EIF5B: variants seen among roughly 807,000 people sequenced by gnomAD.
The protein encoded by EIF5B is eukaryotic translation initiation factor 5B.
In EIF5B, 47 loss-of-function variants were observed where a neutral mutation model predicts 147.5. The observed-to-expected ratio is 0.32, with a 90% confidence interval of 0.25 to 0.41. The LOEUF (loss-of-function observed/expected upper bound fraction) is 0.41. Ranked by LOEUF, EIF5B falls within the 10% of genes least tolerant of loss-of-function variation. The pLI is 1.00. For missense variants in EIF5B, 1,064 were observed against 1,413.2 expected, an observed-to-expected ratio of 0.75 and a Z score of 3.96; for synonymous variants, 455 against 456.2, an observed-to-expected ratio of 1.00 and a Z score of 0.03.
rs142710275 is a variant in EIF5B at position 99,355,138 on chromosome 2, T to A, written c.36-5098T>A. Among the ~76,000 whole-genome samples the A allele has an allele frequency of 4.3e-3, 647 of 152,216 alleles. 8 individuals are homozygous for A. The highest frequency in any genetic ancestry group is 0.015 in the African/African-American group (618 of 41,548). On this transcript the variant is annotated intron_variant, in intron 1 of 23. Transcript: ENST00000289371. Reference sequence around the variant, plus strand: ...ATACTTCTGTGGGACTGTTTTTGGGTTCTCTCTCTTCTCGTCTTGATCTGT... The same window carrying A: ...ATACTTCTGTGGGACTGTTTTTGGGATCTCTCTCTTCTCGTCTTGATCTGT...
intron 1 of EIF5B, among the ~76,000 whole-genome samples, chr2:99,357,289 AAAC>A (rs1674115005): frequency 6.6e-6 from 1 of 152,216 alleles, no homozygotes; most frequent in African/African-American, 2.4e-5. Context: ...AGCAAGTAAA[AAAC>A]TAGATCATTT....
chr2:99,376,483 T>G lies in EIF5B; in HGVS notation c.1689T>G (p.Asp563Glu). ...GAGAAAGTGAAGGCAGTGAAGGTGA[T>G]GAGGAAGATGAAAAGGTGTCAGATG... ...EEGESEGSEG[D>E]EEDEKVSDEK... The change falls in exon 10 of 24, where the codon GAT becomes GAG. Residue 563 changes from aspartate (D) to glutamate (E), a missense_variant. Around this residue, in one of 4 missense-constraint regions of EIF5B, gnomAD observed 195 missense variants for 186.3 expected, o/e 1.05. Transcript: ENST00000289371. 1 of 1,611,840 alleles carries G rather than the reference T, an allele frequency of 6.2e-7. No individual in the cohort carries two copies. Among genetic ancestry groups the G allele is most frequent in the Non-Finnish European group, 8.5e-7 (1 of 1,178,316 alleles).
chr2:99,385,989 A>T (rs762555719), intron 14 of EIF5B, among the ~76,000 whole-genome samples: 14 of 152,178 alleles, frequency 9.2e-5, no homozygotes, highest in Non-Finnish European at 1.3e-4. Flanking sequence ...GTAATTTTTT[A>T]AGTTTGGCAT....
At chr2:99,384,196 C>CAAAAAAAAAAAAA (rs770493783) in intron 14 of EIF5B, among the ~76,000 whole-genome samples, 3 of 117,466 alleles carry the variant, frequency 2.6e-5, no homozygotes, top group African/African-American at 1.1e-4. Context: ...GACTCCGTCT[C>CAAAAAAAAAAAAA]AAAAAAAAAA....
chr2:99,364,797 AAAAAAT>A (rs1674294273), intron 6 of EIF5B, among the ~76,000 whole-genome samples: 1 of 152,194 alleles, frequency 6.6e-6, no homozygotes, highest in South Asian at 2.1e-4. Flanking sequence ...AGTGAATCCC[AAAAAAT>A]AAAAAAGAAA....
At chr2:99,391,939 T>C (rs905978205) in intron 17 of EIF5B, among the ~76,000 whole-genome samples, 1 of 151,678 alleles carries the variant, frequency 6.6e-6, no homozygotes, top group Admixed American at 6.6e-5. Context: ...CCCAGGCTGG[T>C]CTTGACCTCC....
intron 18 of EIF5B, among the ~76,000 whole-genome samples, 176 bp downstream of exon 18, chr2:99,393,274 AATTGGT>A (rs1674972527): frequency 6.6e-6 from 1 of 152,152 alleles, no homozygotes; most frequent in Non-Finnish European, 1.5e-5. Context: ...CAATCATAGA[AATTGGT>A]ATAATTTTTA....
rs1253890925 is a variant in EIF5B at position 99,382,209 on chromosome 2, T to A, written c.2112T>A (p.Pro704=). Residue 704 remains proline (P), a synonymous_variant, in exon 13 of 24, where the codon CCT becomes CCA. Coordinates refer to ENST00000289371, the MANE Select transcript of EIF5B (RefSeq NM_015904.4). ...CAGGAATGCTAATTATTGATACTCCTGGGCATGAATCTTTCAGGTAAGAGC... is the reference window on the plus strand; with the variant it reads ...CAGGAATGCTAATTATTGATACTCCAGGGCATGAATCTTTCAGGTAAGAGC... ...RIPGMLIIDT[P]GHESFSNLRN... is the part of the protein sequence containing the mutation. 1.2e-6 allele frequency: 2 copies of A among 1,613,226 alleles called. No individual in the cohort carries two copies. The highest frequency in any genetic ancestry group is 1.1e-5 in the South Asian group (1 of 90,998).
At chr2:99,399,228 A>T in intron 23 of EIF5B, 79 bp from the exon 24 acceptor site, 1 of 1,326,468 alleles carries the variant, frequency 7.5e-7, no homozygotes, top group Non-Finnish European at 1.1e-6. Flanking sequence ...GTACAGTGAG[A>T]GCGGGCATCT....
rs1574950655 is a variant in EIF5B at position 99,401,186 on chromosome 2, C to T, written c.*1772C>T. The T allele has an allele frequency of 3.7e-6, 4 of 1,082,978 alleles. No individual in the cohort carries two copies. The highest frequency in any genetic ancestry group is 4.7e-5 in the East Asian group (2 of 42,138). The allele number at this position is 1,082,978 out of a possible 1,614,324, so 67.1% of individuals were successfully genotyped here. On this transcript the variant is annotated 3_prime_UTR_variant, in exon 24 of 24. Coordinates refer to ENST00000289371, the MANE Select transcript of EIF5B (RefSeq NM_015904.4). ...ATTACTATCATGCACTTTGCAAATA[C>T]CTCACAAGCACTTATGGCACAGCTA...
chr2:99,341,730 T>C (rs932429881), intron 1 of EIF5B, among the ~76,000 whole-genome samples: 1 of 152,214 alleles, frequency 6.6e-6, no homozygotes, highest in Non-Finnish European at 1.5e-5. Flanking sequence ...TCTTCAAATA[T>C]TTAATTTAAA....
intron 9 of EIF5B, among the ~76,000 whole-genome samples, chr2:99,373,203 A>G (rs963356346): frequency 6.6e-6 from 1 of 152,168 alleles, no homozygotes; most frequent in Non-Finnish European, 1.5e-5. Flanking sequence ...CTCTTTTTGT[A>G]TCCGTAAATA....
chr2:99,398,715 C>G (rs536632895), intron 22 of EIF5B, 33 bp from the exon 23 acceptor site: 2 of 1,585,868 alleles, frequency 1.3e-6, no homozygotes, highest in South Asian at 2.3e-5. Context: ...ATGAATTCTT[C>G]TGCATGCATT....
chr2:99,390,511 G>A lies in EIF5B; in HGVS notation c.2587-33G>A, dbSNP rs768093610. 5.0e-6 allele frequency: 8 copies of A among 1,599,490 alleles called. No homozygotes were observed. In the East Asian group the frequency reaches 9.0e-5, roughly 18 times the overall value. On this transcript the variant is annotated intron_variant, in intron 16 of 23. Transcript: ENST00000289371. Reference sequence around the variant, plus strand: ...ATTTAATGAACATGGTGCATTGTATGTATGTCTTTCTCTTTGCATTAATGC... The same window carrying A: ...ATTTAATGAACATGGTGCATTGTATATATGTCTTTCTCTTTGCATTAATGC...
intron 12 of EIF5B, 69 bp downstream of exon 12, chr2:99,379,497 G>A: frequency 8.3e-7 from 1 of 1,211,502 alleles, no homozygotes; most frequent in Admixed American, 2.2e-5. Flanking sequence ...TTCAAACATA[G>A]AAAAAGGACA....
intron 1 of EIF5B, among the ~76,000 whole-genome samples, chr2:99,342,780 C>G (rs1046690252): frequency 6.6e-6 from 1 of 151,988 alleles, no homozygotes; most frequent in Non-Finnish European, 1.5e-5. Flanking sequence ...TGCAGGCATA[C>G]ACCACTGTAC....
rs141616991 is a variant in EIF5B at position 99,397,294 on chromosome 2, CCTTT to C, written c.3393+399_3393+402del. 207 of 155,448 alleles carry C rather than the reference CCTTT, an allele frequency of 1.3e-3. 2 individuals are homozygous for C. In the East Asian group the frequency reaches 0.032, roughly 24 times the overall value. The allele number at this position is 155,448 out of a possible 1,614,324, so 9.6% of individuals were successfully genotyped here. On this transcript the variant is annotated intron_variant, in intron 22 of 23. Coordinates refer to ENST00000289371, the MANE Select transcript of EIF5B (RefSeq NM_015904.4). Reference sequence around the variant, plus strand: ...ATAATGAACACTCATGTTTACCTTCCCTTTCTGTCAGCATACCTAAGAAAAATTA... The same window carrying C: ...ATAATGAACACTCATGTTTACCTTCCCTGTCAGCATACCTAAGAAAAATTA...
intron 1 of EIF5B, among the ~76,000 whole-genome samples, chr2:99,338,927 T>TAC: frequency 7.1e-6 from 1 of 141,456 alleles, no homozygotes; most frequent in Non-Finnish European, 1.5e-5. Flanking sequence ...TGTGTGTATA[T>TAC]ATATATATAT....
intron 9 of EIF5B, among the ~76,000 whole-genome samples, chr2:99,374,297 A>G (rs1269883507): frequency 2.0e-5 from 3 of 151,788 alleles, no homozygotes; most frequent in Non-Finnish European, 2.9e-5. Context: ...CTAAAAAAAA[A>G]AAAAAAAAAA....
Sources: allele counts gnomAD v4.1 joint callset (sites outside exome capture counted in the v4.1 genomes callset), GRCh38; gene constraint gnomAD v4.1.1; regional missense constraint gnomAD v4.1.1; transcripts MANE v1.5; gene names NCBI Gene and HGNC (gene_info 2026-07-23, HGNC 2026-07-21).